The following ZSCAN1 variants were observed in gnomAD, a reference collection of about 807,000 sequenced individuals.
ZSCAN1 encodes zinc finger and SCAN domain containing 1.
ZSCAN1 carries 23 observed loss-of-function variants against 23.8 expected under a neutral mutation model. The ratio of observed to expected loss-of-function variants is 0.97; its 90% CI spans 0.70 to 1.37. ZSCAN1 has a LOEUF of 1.37. Among genes scored for constraint, ZSCAN1 ranks in the 40% most tolerant of loss-of-function variants. The pLI, the probability that ZSCAN1 is intolerant of heterozygous loss-of-function variation, is 0.00. For missense variants in ZSCAN1, 575 were observed against 554.0 expected, an observed-to-expected ratio of 1.04 and a Z score of -0.38; for synonymous variants, 236 against 232.3, an observed-to-expected ratio of 1.02 and a Z score of -0.15.
Position 58,051,630 on chromosome 19 carries a change from G to A in ZSCAN1, c.466-860G>A, listed in dbSNP as rs113801179. ...CACTCAAGACAGACCTTGTCAGTGC[G>A]TGCTTGACTCCTGGTCTTTTCTGAT... is the stretch of plus-strand genomic sequence containing the variant. On this transcript the variant is annotated intron_variant, in intron 4 of 5. Transcript: ENST00000282326. Among the ~76,000 whole-genome samples the A allele has an allele frequency of 5.2e-3, 785 of 152,286 alleles. 10 individuals are homozygous for A. Among genetic ancestry groups the A allele is most frequent in the African/African-American group, 0.017 (704 of 41,544 alleles).
intron 3 of ZSCAN1, among the ~76,000 whole-genome samples, chr19:58,039,002 G>C (rs1023868611): frequency 6.6e-6 from 1 of 152,264 alleles, no homozygotes; most frequent in African/African-American, 2.4e-5. Flanking sequence ...TCACAGAAAA[G>C]AGGGGTGGAG....
At chr19:58,044,690 C>T in intron 4 of ZSCAN1, 2 of 782,612 alleles carry the variant, frequency 2.6e-6, no homozygotes, top group East Asian at 2.8e-5. Flanking sequence ...GGATCCTGCT[C>T]ATCTCAGCTT....
At chr19:58,035,660 G>A (rs1283064033) in intron 1 of ZSCAN1, among the ~76,000 whole-genome samples, 1 of 152,192 alleles carries the variant, frequency 6.6e-6, no homozygotes, top group East Asian at 1.9e-4. Context: ...TTTGCCTGTG[G>A]CCTTGGCAGG....
intron 1 of ZSCAN1, 25 bp from the exon 2 acceptor site, chr19:58,035,945 G>GTT (rs1555793451): frequency 1.2e-4 from 2 of 16,952 alleles, no homozygotes; most frequent in Non-Finnish European, 3.5e-4. Flanking sequence ...GTCTTGTTTT[G>GTT]TTTTGTTTTT....
chr19:58,036,880 C>T (rs1228548265), intron 2 of ZSCAN1, among the ~76,000 whole-genome samples: 3 of 152,086 alleles, frequency 2.0e-5, no homozygotes, highest in East Asian at 1.9e-4. Flanking sequence ...GACGGGGTTT[C>T]GCCATGTCGG....
chr19:58,045,835 C>T lies in ZSCAN1; in HGVS notation c.465+5291C>T. Reference sequence around the variant, plus strand: ...CATCCTGTCCCGGACCATGTAGCTCCCGGACACCCTCTTGCCAGCCGACCA... The same window carrying T: ...CATCCTGTCCCGGACCATGTAGCTCTCGGACACCCTCTTGCCAGCCGACCA... On this transcript the variant is annotated intron_variant, in intron 4 of 5. Coordinates refer to ENST00000282326, the MANE Select transcript of ZSCAN1 (RefSeq NM_182572.4). This position sits in a 1 kb window ranked among gnomAD's most constrained non-coding sequence, Gnocchi z 4.3. 1.5e-6 allele frequency: 2 copies of T among 1,315,932 alleles called. No individual in the cohort carries two copies. The highest frequency in any genetic ancestry group is 1.2e-5 in the South Asian group (1 of 84,950). The allele number at this position is 1,315,932 out of a possible 1,614,324, so 81.5% of individuals were successfully genotyped here.
chr19:58,039,528 G>A (rs1185073869), intron 3 of ZSCAN1, among the ~76,000 whole-genome samples: 1 of 152,144 alleles, frequency 6.6e-6, no homozygotes, highest in Non-Finnish European at 1.5e-5. Context: ...TCAGCACTTT[G>A]GGAGGCCAAG....
intron 4 of ZSCAN1, chr19:58,046,258 A>G (rs967603462): frequency 5.4e-5 from 42 of 778,452 alleles, no homozygotes; most frequent in African/African-American, 3.6e-4. Flanking sequence ...CACCAGGAAG[A>G]AGGAGGAGCT....
chr19:58,048,175 T>C (rs1230681683), intron 4 of ZSCAN1, among the ~76,000 whole-genome samples: 1 of 152,276 alleles, frequency 6.6e-6, no homozygotes, highest in East Asian at 1.9e-4. Flanking sequence ...GCAGGGACAG[T>C]TGGCTTCCAA....
In ZSCAN1 at chr19:58,038,044, G is replaced by C. The variant is rs2073752707; in HGVS notation, c.208G>C (p.Glu70Gln). Residue 70 changes from glutamate to glutamine, a missense_variant, in exon 3 of 6, where the codon GAG (glutamate) becomes CAG (glutamine). Transcript: ENST00000282326. ...WTLCRQWLRP[E>Q]ARSKEQMLEL... ...GCTGTGCCGCCAGTGGCTGAGGCCC[G>C]AGGCGCGCTCCAAGGAGCAGATGCT... 3.7e-6 allele frequency: 6 copies of C among 1,611,826 alleles called. No individual in the cohort carries two copies. Among genetic ancestry groups the C allele is most frequent in the Non-Finnish European group, 5.1e-6 (6 of 1,179,734 alleles).
intron 1 of ZSCAN1, among the ~76,000 whole-genome samples, chr19:58,034,727 C>T (rs1391301184): frequency 7.3e-6 from 1 of 137,732 alleles, no homozygotes; most frequent in Non-Finnish European, 1.6e-5. Flanking sequence ...CAGCCGCCCC[C>T]GACCCATCCC....
chr19:58,037,091 A>G (rs1464552076), intron 2 of ZSCAN1, among the ~76,000 whole-genome samples: 1 of 152,164 alleles, frequency 6.6e-6, no homozygotes, highest in Non-Finnish European at 1.5e-5. Flanking sequence ...ACCTGGTAGG[A>G]AAGTCAGGAA....
At chr19:58,034,558 G>A (rs1243741169) in intron 1 of ZSCAN1, among the ~76,000 whole-genome samples, 1 of 151,764 alleles carries the variant, frequency 6.6e-6, no homozygotes, top group Non-Finnish European at 1.5e-5. Context: ...CACCTGATCA[G>A]CATCCCGGGA....
chr19:58,046,545 G>C, intron 4 of ZSCAN1: 2 of 913,594 alleles, frequency 2.2e-6, no homozygotes, highest in Admixed American at 3.4e-5. Flanking sequence ...AGCAAGTCAA[G>C]CACATTCCCA....
In ZSCAN1 at chr19:58,052,535, C is replaced by T. The variant is rs1165702289; in HGVS notation, c.511C>T (p.Pro171Ser). ...TGCAGTGGCAGCAGCCCCAGCACTC[C>T]CCGAGGAAAGTGAGTGGCTGGAGAC... ...LDAVAAAPAL[P>S]EESEWLETTQ... Residue 171 changes from proline (P) to serine (S), a missense_variant, in exon 5 of 6, where the codon CCC becomes TCC. Pro to Ser is a moderately conservative substitution (Grantham distance 74). Coordinates refer to ENST00000282326, the MANE Select transcript of ZSCAN1 (RefSeq NM_182572.4). 7 of 1,613,954 alleles carry T rather than the reference C, an allele frequency of 4.3e-6. No homozygotes were observed. The highest frequency in any genetic ancestry group is 1.3e-5 in the African/African-American group (1 of 74,950).
intron 3 of ZSCAN1, chr19:58,038,450 A>C (rs2547262): frequency 3.3e-6 from 2 of 615,374 alleles, no homozygotes; most frequent in Non-Finnish European, 2.8e-6. Context: ...CCATGCGTCC[A>C]TCTGTCCTGT....
downstream of ZSCAN1, among the ~76,000 whole-genome samples, chr19:58,055,652 G>C (rs1297401181): frequency 6.6e-6 from 1 of 152,212 alleles, no homozygotes; most frequent in African/African-American, 2.4e-5. Flanking sequence ...CTCAGACAAC[G>C]GGATGTGTAG....
chr19:58,053,957 G>A lies in ZSCAN1; in HGVS notation c.1133G>A (p.Arg378Lys). ...CCAGTGGCCCCTCGCAGCCCCAAAA[G>A]ACCCTTCCAGTGTAGCGTCTGCGGG... is the stretch of plus-strand genomic sequence containing the variant. Reference protein sequence around the residue: ...QGPVAPRSPKRPFQCSVCGKA... With the variant: ...QGPVAPRSPKKPFQCSVCGKA... Residue 378 changes from arginine (R) to lysine (K), a missense_variant, in exon 6 of 6, where the codon AGA becomes AAA. By Grantham distance (26) the Arg-to-Lys change is conservative (BLOSUM62 2). Coordinates refer to ENST00000282326, the MANE Select transcript of ZSCAN1 (RefSeq NM_182572.4). This position sits in a 1 kb window ranked among gnomAD's most constrained non-coding sequence, Gnocchi z 5.8. 1 of 1,610,866 alleles carries A rather than the reference G, an allele frequency of 6.2e-7. No homozygotes were observed. Among genetic ancestry groups the A allele is most frequent in the Non-Finnish European group, 8.5e-7 (1 of 1,178,276 alleles).
chr19:58,044,640 C>A, intron 4 of ZSCAN1: 1 of 1,045,384 alleles, frequency 9.6e-7, no homozygotes, highest in Non-Finnish European at 1.4e-6. Context: ...GCCAGCCTCC[C>A]GCCGCCGCCT....
Sources: allele counts gnomAD v4.1 joint callset (sites outside exome capture counted in the v4.1 genomes callset), GRCh38; gene constraint gnomAD v4.1.1; non-coding constraint Gnocchi (gnomAD v3.1); transcripts MANE v1.5; gene names NCBI Gene and HGNC (gene_info 2026-07-23, HGNC 2026-07-21).